The following SKAP2 variants were observed in gnomAD, a reference collection of about 807,000 sequenced individuals.
The protein encoded by SKAP2 is src kinase associated phosphoprotein 2, also known as src kinase-associated phosphoprotein 2.
In SKAP2, 28 loss-of-function variants were observed where a neutral mutation model predicts 54.9. That is an observed-to-expected ratio of 0.51 (90% CI 0.38 to 0.70). SKAP2 has a LOEUF of 0.70. Among genes scored for constraint, SKAP2 ranks in the 30% least tolerant of loss-of-function variants. SKAP2 has a pLI of 0.00. For missense variants in SKAP2, 356 were observed against 424.1 expected (o/e 0.84, Z 1.41); for synonymous variants, 137 against 134.3 (o/e 1.02, Z -0.14).
At chr7:26,715,155 CATTTTA>C (rs1787402349) in intron 9 of SKAP2, among the ~76,000 whole-genome samples, 1 of 152,022 alleles carries the variant, frequency 6.6e-6, no homozygotes, top group African/African-American at 2.4e-5. Context: ...CAAATATTAG[CATTTTA>C]ATTTGATTAA....
chr7:26,783,162 C>T (rs945298936), intron 4 of SKAP2, among the ~76,000 whole-genome samples: 1 of 152,058 alleles, frequency 6.6e-6, no homozygotes, highest in Non-Finnish European at 1.5e-5. Context: ...TTTGCATTAC[C>T]CTGGTGGAAT....
chr7:26,738,079 G>A (rs946727941), intron 6 of SKAP2, among the ~76,000 whole-genome samples: 2 of 152,122 alleles, frequency 1.3e-5, no homozygotes, highest in African/African-American at 4.8e-5. Flanking sequence ...CCTGTGAACA[G>A]TCACAGCTCT....
chr7:26,856,114 C>T (rs987428269), intron 1 of SKAP2, among the ~76,000 whole-genome samples: 5 of 152,002 alleles, frequency 3.3e-5, no homozygotes, highest in African/African-American at 1.2e-4. Flanking sequence ...AACTTTTATA[C>T]ATTCATAATA....
chr7:26,737,976 C>G (rs964390849), intron 6 of SKAP2, among the ~76,000 whole-genome samples: 1 of 152,104 alleles, frequency 6.6e-6, no homozygotes, highest in Non-Finnish European at 1.5e-5. Context: ...CTGGGTACAG[C>G]GGTGTGCACC....
At chr7:26,761,937 G>T (rs1782941505) in intron 4 of SKAP2, among the ~76,000 whole-genome samples, 1 of 152,112 alleles carries the variant, frequency 6.6e-6, no homozygotes, top group African/African-American at 2.4e-5. Flanking sequence ...ACCTTTCCAT[G>T]TCAAGAATAT....
chr7:26,699,632 T>C (rs1033624448), intron 9 of SKAP2, among the ~76,000 whole-genome samples: 1 of 152,052 alleles, frequency 6.6e-6, no homozygotes, highest in Non-Finnish European at 1.5e-5. Flanking sequence ...ACCAAAAAAA[T>C]CTACATTGAG....
intron 4 of SKAP2, among the ~76,000 whole-genome samples, chr7:26,839,055 G>A (rs905768686): frequency 6.6e-6 from 1 of 151,974 alleles, no homozygotes; most frequent in Non-Finnish European, 1.5e-5. Context: ...CTTAACCTTT[G>A]CAGTCTTTCG....
chr7:26,783,350 T>C (rs1457024431), intron 4 of SKAP2, among the ~76,000 whole-genome samples: 1 of 152,014 alleles, frequency 6.6e-6, no homozygotes, highest in Admixed American at 6.6e-5. Context: ...CGTTACTAGG[T>C]TGATGTTTTG....
At chr7:26,766,307 T>C (rs1044369031) in intron 4 of SKAP2, among the ~76,000 whole-genome samples, 2 of 152,234 alleles carry the variant, frequency 1.3e-5, no homozygotes, top group Admixed American at 1.3e-4. Context: ...CTTGTGATTT[T>C]TGCACATTGA....
rs3801869 is a variant in SKAP2 at position 26,752,534 on chromosome 7, G to C, written c.308-12570C>G. ...AGATCATAGAGTATCTATAGGAACA[G>C]ACACCCTGCACAATTTTCAGACAAT... On this transcript the variant is annotated intron_variant, in intron 4 of 12. Coordinates refer to ENST00000345317, the MANE Select transcript of SKAP2 (RefSeq NM_003930.5). Among the ~76,000 whole-genome samples, 131 of 152,212 alleles carry C rather than the reference G, an allele frequency of 8.6e-4. No individual in the cohort carries two copies. In the East Asian group the frequency reaches 0.022, roughly 26 times the overall value.
chr7:26,809,063 G>A (rs987088764), intron 4 of SKAP2, among the ~76,000 whole-genome samples: 3 of 152,150 alleles, frequency 2.0e-5, no homozygotes, highest in Non-Finnish European at 4.4e-5. Context: ...AAGGGGTTAA[G>A]ATCCAAAATA....
intron 9 of SKAP2, among the ~76,000 whole-genome samples, chr7:26,715,917 A>AT (rs1308737264): frequency 6.6e-6 from 1 of 152,146 alleles, no homozygotes; most frequent in African/African-American, 2.4e-5. Context: ...ATGAACTATT[A>AT]TTTTTTCAGC....
intron 4 of SKAP2, among the ~76,000 whole-genome samples, chr7:26,783,761 G>A (rs139844475): frequency 8.2e-4 from 125 of 152,196 alleles, no homozygotes; most frequent in African/African-American, 2.9e-3. Context: ...ATGGACACAG[G>A]AAGGGGAACA....
At chr7:26,854,091 C>T (rs1562636923) in intron 3 of SKAP2, 46 bp downstream of exon 3, 2 of 1,394,744 alleles carry the variant, frequency 1.4e-6, no homozygotes, top group Non-Finnish European at 2.0e-6. Flanking sequence ...TTGAAAATTT[C>T]CACAGAGGAA....
chr7:26,712,971 C>T (rs1285154124), intron 9 of SKAP2, among the ~76,000 whole-genome samples: 2 of 152,194 alleles, frequency 1.3e-5, no homozygotes, highest in African/African-American at 4.8e-5. Flanking sequence ...GTCAGCCTCA[C>T]TAAAGTAATT....
At chr7:26,768,048 G>A (rs1783100780) in intron 4 of SKAP2, among the ~76,000 whole-genome samples, 1 of 152,008 alleles carries the variant, frequency 6.6e-6, no homozygotes, top group Non-Finnish European at 1.5e-5. Context: ...ATCTAATATT[G>A]ACAGTGGAGT....
chr7:26,785,633 G>T lies in SKAP2; in HGVS notation c.308-45669C>A, dbSNP rs544766819. ...TAATGAATCTGTTAACCAAAACATG[G>T]TCTATCCTCCAAACTTGACAAATAT... is the stretch of plus-strand genomic sequence containing the variant. On this transcript the variant is annotated intron_variant, in intron 4 of 12. Transcript: ENST00000345317. 3.3e-5 allele frequency among the ~76,000 whole-genome samples: 5 copies of T among 152,232 alleles called. No individual in the cohort carries two copies. In the South Asian group the frequency reaches 6.2e-4, roughly 19 times the overall value.
At position 26,668,785 on chromosome 7, in the gene SKAP2, C is replaced by T. The variant is rs543273461; in HGVS notation, c.*881G>A. 6.6e-6 allele frequency: 1 copy of T among 151,580 alleles called. No homozygotes were observed. Among genetic ancestry groups the T allele is most frequent in the Admixed American group, 6.6e-5 (1 of 15,164 alleles). 9.4% of individuals were successfully genotyped at this position (151,580 alleles called of 1,614,324 possible). Reference sequence around the variant, plus strand: ...TGTTCAAGCAATTCTCGTGCCTTGGCCTCCCAAGTAGCTGGGACTGCAGGT... The same window carrying T: ...TGTTCAAGCAATTCTCGTGCCTTGGTCTCCCAAGTAGCTGGGACTGCAGGT... On this transcript the variant is annotated 3_prime_UTR_variant, in exon 13 of 13. Coordinates refer to ENST00000345317, the MANE Select transcript of SKAP2 (RefSeq NM_003930.5).
intron 3 of SKAP2, among the ~76,000 whole-genome samples, chr7:26,851,843 T>A (rs1316361203): frequency 6.6e-6 from 1 of 152,098 alleles, no homozygotes; most frequent in Non-Finnish European, 1.5e-5. Context: ...GATACACATC[T>A]GTGTGCCTTA....
Sources: allele counts gnomAD v4.1 joint callset (sites outside exome capture counted in the v4.1 genomes callset), GRCh38; gene constraint gnomAD v4.1.1; transcripts MANE v1.5; gene names NCBI Gene and HGNC (gene_info 2026-07-23, HGNC 2026-07-21).